TUSC3: variants seen among roughly 807,000 people sequenced by gnomAD.
TUSC3 encodes tumor suppressor candidate 3.
A neutral mutation model predicts 44.8 loss-of-function variants in TUSC3; 45 were observed. The ratio of observed to expected loss-of-function variants is 1.00; its 90% CI spans 0.79 to 1.29. TUSC3 has a LOEUF of 1.29. Among genes scored for constraint, TUSC3 ranks in the 50% most tolerant of loss-of-function variants. The pLI is 0.00. For missense variants in TUSC3, 519 were observed against 437.9 expected, an observed-to-expected ratio of 1.19 and a Z score of -1.65; for synonymous variants, 212 against 152.9, an observed-to-expected ratio of 1.39 and a Z score of -2.85.
rs144903653 is a variant in TUSC3 at position 15,534,211 on chromosome 8, T to G, written n.189+50728T>G. ...TGAGATAAAATGAAAAGATCTTAGT[T>G]GCAAGATAAAATAATAACTTTTGGC... On this transcript the variant is annotated intron_variant and non_coding_transcript_variant, in intron 2 of 5. Transcript: ENST00000503191. 7.2e-5 allele frequency among the ~76,000 whole-genome samples: 11 copies of G among 152,264 alleles called. No individual in the cohort carries two copies. In the East Asian group the frequency reaches 1.5e-3, roughly 21 times the overall value.
intron 1 of TUSC3, among the ~76,000 whole-genome samples, chr8:15,462,480 T>C (rs1241885130): frequency 6.6e-6 from 1 of 152,218 alleles, no homozygotes; most frequent in East Asian, 1.9e-4. Flanking sequence ...TTTGAAACTA[T>C]GCAGACTAGA....
chr8:15,840,590 G>A, the TUSC3 span, among the ~76,000 whole-genome samples: 33,626 of 151,884 alleles, frequency 0.22, 3,927 homozygotes, highest in Middle Eastern at 0.32. Flanking sequence ...AGGATGGTAG[G>A]TTTCTAATTT....
intron 2 of TUSC3, among the ~76,000 whole-genome samples, chr8:15,640,030 T>G (rs1281772792): frequency 6.6e-6 from 1 of 152,166 alleles, no homozygotes; most frequent in African/African-American, 2.4e-5. Flanking sequence ...GGCCCTTGCT[T>G]GCCATATGGG....
intron 1 of TUSC3, among the ~76,000 whole-genome samples, chr8:15,587,610 A>G (rs1028871654): frequency 6.6e-6 from 1 of 152,142 alleles, no homozygotes; most frequent in Non-Finnish European, 1.5e-5. Context: ...TTGAACATAT[A>G]CAGTAATTTA....
chr8:15,760,071 A>C (rs1227923110), intron 10 of TUSC3, among the ~76,000 whole-genome samples: 1 of 152,110 alleles, frequency 6.6e-6, no homozygotes, highest in East Asian at 1.9e-4. Context: ...ATCCCCCATA[A>C]TACATCACTT....
chr8:15,423,817 G>T (rs575957896), intron 1 of TUSC3, among the ~76,000 whole-genome samples: 1 of 151,948 alleles, frequency 6.6e-6, no homozygotes, highest in African/African-American at 2.4e-5. Flanking sequence ...TCGCTGTCTG[G>T]AGCCCTCATA....
chr8:15,630,286 C>T (rs185651511), intron 2 of TUSC3, among the ~76,000 whole-genome samples: 140 of 151,984 alleles, frequency 9.2e-4, no homozygotes, highest in African/African-American at 3.1e-3. Context: ...AATTGGACTC[C>T]GGTTAAATGA....
At chr8:15,723,035 A>G (rs1166278540) in intron 6 of TUSC3, among the ~76,000 whole-genome samples, 1 of 152,128 alleles carries the variant, frequency 6.6e-6, no homozygotes, top group Admixed American at 6.6e-5. Context: ...GTTTCCATAT[A>G]TAGAGCCTGA....
chr8:15,510,122 A>G (rs1585070695), intron 2 of TUSC3, among the ~76,000 whole-genome samples: 2 of 152,328 alleles, frequency 1.3e-5, no homozygotes, highest in South Asian at 2.1e-4. Flanking sequence ...ACAGTGAGCT[A>G]TGATCACACC....
At chr8:15,642,087 G>C (rs926668984) in intron 2 of TUSC3, among the ~76,000 whole-genome samples, 4 of 152,134 alleles carry the variant, frequency 2.6e-5, no homozygotes, top group Admixed American at 2.0e-4. Context: ...CATTTCTTCA[G>C]TGTTTAGCAT....
At chr8:15,687,603 C>A (rs1004823240) in intron 6 of TUSC3, among the ~76,000 whole-genome samples, 1 of 152,142 alleles carries the variant, frequency 6.6e-6, no homozygotes. Context: ...TTGATCCTAA[C>A]GTCTGACTGA....
At chr8:15,499,887 C>T (rs1800935542) in intron 2 of TUSC3, among the ~76,000 whole-genome samples, 1 of 151,908 alleles carries the variant, frequency 6.6e-6, no homozygotes, top group Non-Finnish European at 1.5e-5. Flanking sequence ...TACATACGTA[C>T]ACACACACAC....
At chr8:15,677,118 A>G (rs1466150671) in intron 6 of TUSC3, among the ~76,000 whole-genome samples, 7 of 152,012 alleles carry the variant, frequency 4.6e-5, no homozygotes, top group Admixed American at 4.6e-4. Flanking sequence ...TCCTGGCTCA[A>G]GTGATCCTCC....
At chr8:15,495,522 G>A (rs374559428) in intron 2 of TUSC3, among the ~76,000 whole-genome samples, 2 of 152,018 alleles carry the variant, frequency 1.3e-5, no homozygotes, top group Non-Finnish European at 2.9e-5. Context: ...GGCCCCAAGA[G>A]GATGCTTTTG....
intron 6 of TUSC3, among the ~76,000 whole-genome samples, chr8:15,720,205 C>T (rs75487837): frequency 0.06 from 8,539 of 143,194 alleles, 345 homozygotes; most frequent in East Asian, 0.14. Flanking sequence ...TATATATACA[C>T]ACACACACAC....
chr8:15,752,248 G>A (rs1011791885), intron 9 of TUSC3, among the ~76,000 whole-genome samples: 5 of 152,022 alleles, frequency 3.3e-5, no homozygotes, highest in East Asian at 1.9e-4. Context: ...TTCATGAGCC[G>A]AAAGTCATAA....
intron 9 of TUSC3, among the ~76,000 whole-genome samples, chr8:15,750,543 A>G (rs1467367611): frequency 6.6e-6 from 1 of 152,004 alleles, no homozygotes; most frequent in Non-Finnish European, 1.5e-5. Flanking sequence ...TTTTTTTTCA[A>G]GTAGTAGTTG....
intron 1 of TUSC3, among the ~76,000 whole-genome samples, chr8:15,459,174 C>T (rs969757059): frequency 6.6e-6 from 1 of 152,088 alleles, no homozygotes; most frequent in South Asian, 2.1e-4. Flanking sequence ...AGCTTCATCA[C>T]TATGATATTT....
At chr8:15,530,803 AAG>A (rs1460598146) in intron 2 of TUSC3, among the ~76,000 whole-genome samples, 5 of 152,350 alleles carry the variant, frequency 3.3e-5, no homozygotes, top group African/African-American at 1.2e-4. Context: ...TCATCCTCAC[AAG>A]AGTCTTCTGA....
Sources: gnomAD v4.1 joint callset for allele counts (sites outside exome capture counted in the v4.1 genomes callset) on GRCh38, gnomAD v4.1.1 for gene constraint, MANE v1.5 for transcripts, NCBI Gene and HGNC (gene_info 2026-07-23, HGNC 2026-07-21) for gene names.